The following KLHL17 variants were observed in gnomAD, a reference collection of about 807,000 sequenced individuals.
KLHL17 encodes the protein kelch like family member 17.
KLHL17 carries 71 observed loss-of-function variants against 64.6 expected under a neutral mutation model. The ratio of observed to expected loss-of-function variants is 1.10; its 90% CI spans 0.91 to 1.34. The LOEUF (loss-of-function observed/expected upper bound fraction) is 1.34. Among genes scored for constraint, KLHL17 ranks in the 40% most tolerant of loss-of-function variants. KLHL17 has a pLI of 0.00. For missense variants in KLHL17, 1,140 were observed against 935.0 expected, an observed-to-expected ratio of 1.22 and a Z score of -2.86; for synonymous variants, 612 against 405.4, an observed-to-expected ratio of 1.51 and a Z score of -6.12.
In KLHL17 at chr1:961,632, A is replaced by G; in HGVS notation, c.371A>G (p.Glu124Gly). 2 of 1,612,692 alleles carry G rather than the reference A, an allele frequency of 1.2e-6. No homozygotes were observed. Among genetic ancestry groups the G allele is most frequent in the South Asian group, 2.2e-5 (2 of 91,080 alleles). The change falls in exon 3 of 12, where the codon GAG (glutamate) becomes GGG (glycine). Residue 124 changes from glutamate (E) to glycine (G), a missense_variant. By Grantham distance (98) the Glu-to-Gly change is moderately conservative. Coordinates refer to ENST00000338591, the MANE Select transcript of KLHL17 (RefSeq NM_198317.3). ...SPYFHAMFTN[E>G]MSESRQTHVT... ...GTGTAACCCGCTGTCCCCGCAGATG[A>G]GATGAGCGAGAGCCGCCAGACCCAC...
In KLHL17 at chr1:963,105, C is replaced by T; in HGVS notation, c.1043-4C>T. The T allele has an allele frequency of 6.2e-7, 1 of 1,611,294 alleles. No individual in the cohort carries two copies. Among genetic ancestry groups the T allele is most frequent in the Non-Finnish European group, 8.5e-7 (1 of 1,179,290 alleles). On this transcript the variant is annotated splice_polypyrimidine_tract_variant and splice_region_variant and intron_variant, in intron 6 of 11. Coordinates refer to ENST00000338591, the MANE Select transcript of KLHL17 (RefSeq NM_198317.3). The stretch of plus-strand genomic sequence containing the variant: ...CGAGTCCCGTCTCCACCTGCCCTCC[C>T]CAGGCGGCGGGAGCCTGTTTGCCAT...
At chr1:963,029 CAG>C (rs745556126) in intron 6 of KLHL17, 78 bp from the exon 7 acceptor site, 1 of 1,557,412 alleles carries the variant, frequency 6.4e-7, no homozygotes, top group South Asian at 1.2e-5. Flanking sequence ...CCCCTCCATT[CAG>C]GGGCCTCTCC....
chr1:965,337 C>T lies in KLHL17; in HGVS notation c.*146C>T, dbSNP rs1354120536. 4.3e-6 allele frequency: 3 copies of T among 695,994 alleles called. No individual in the cohort carries two copies. Among genetic ancestry groups the T allele is most frequent in the African/African-American group, 1.8e-5 (1 of 56,090 alleles). The allele number at this position is 695,994 out of a possible 1,614,324, so 43.1% of individuals were successfully genotyped here. On this transcript the variant is annotated 3_prime_UTR_variant, in exon 12 of 12. Coordinates refer to ENST00000338591, the MANE Select transcript of KLHL17 (RefSeq NM_198317.3). ...GTTGTTTATTTATTTAGTTATTTAT[C>T]TTATTTATTGAGGGGTGAGGAGTGC...
chr1:965,354 G>A lies in KLHL17; in HGVS notation c.*163G>A, dbSNP rs1189736884. 1.5e-5 allele frequency: 10 copies of A among 653,988 alleles called. No homozygotes were observed. Among genetic ancestry groups the A allele is most frequent in the Non-Finnish European group, 2.3e-5 (9 of 388,814 alleles). 40.5% of individuals were successfully genotyped at this position (653,988 alleles called of 1,614,324 possible). A position where few individuals can be genotyped will look rare whatever the true frequency, so the allele number is the denominator to read the frequency against. On this transcript the variant is annotated 3_prime_UTR_variant, in exon 12 of 12. Coordinates refer to ENST00000338591, the MANE Select transcript of KLHL17 (RefSeq NM_198317.3). ...TTATTTATCTTATTTATTGAGGGGT[G>A]AGGAGTGCCACGGCTGCCCGTTTAC...
At chr1:962,231 C>T (rs1450577283) in intron 4 of KLHL17, 124 bp from the exon 5 acceptor site, 1 of 1,499,302 alleles carries the variant, frequency 6.7e-7, no homozygotes, top group Non-Finnish European at 9.1e-7. Flanking sequence ...CCTGACTCTG[C>T]TCGGCCCCTC....
chr1:962,175 C>T (rs776484757), intron 4 of KLHL17, 128 bp downstream of exon 4: 150 of 1,286,074 alleles, frequency 1.2e-4, no homozygotes, highest in Non-Finnish European at 1.5e-4. Flanking sequence ...TGTGTGTCCC[C>T]GAGACCTTTC....
At chr1:964,205 A>C (rs1557634421) in intron 10 of KLHL17, 25 bp downstream of exon 10, 1 of 1,611,176 alleles carries the variant, frequency 6.2e-7, no homozygotes, top group East Asian at 2.2e-5. Flanking sequence ...CCTCCTGGCC[A>C]CCCCCTCCCG....
At chr1:961,096 A>G (rs28393498) in intron 1 of KLHL17, among the ~76,000 whole-genome samples, 197 bp from the exon 2 acceptor site, 141,349 of 151,334 alleles carry the variant, frequency 0.93, 66,051 homozygotes, top group Non-Finnish European at 0.95. Context: ...ACTACGCCCC[A>G]GGGGAGCAGG....
At chr1:963,674 C>T in intron 8 of KLHL17, 170 bp downstream of exon 8, 1 of 888,304 alleles carries the variant, frequency 1.1e-6, no homozygotes, top group Non-Finnish European at 1.7e-6. Flanking sequence ...TTTGCTGCCC[C>T]AGTGCCCTTT....
intron 8 of KLHL17, 66 bp from the exon 9 acceptor site, chr1:963,854 C>A: frequency 6.6e-7 from 1 of 1,507,744 alleles, no homozygotes; most frequent in South Asian, 1.1e-5. Flanking sequence ...CTGGGGAGGG[C>A]AGGTCCTGGG....
At chr1:962,073 G>GGCC in intron 4 of KLHL17, 26 bp downstream of exon 4, 10 of 1,559,828 alleles carry the variant, frequency 6.4e-6, no homozygotes, top group South Asian at 1.2e-5. Context: ...CCCAGCCCTC[G>GGCC]CCCCCCACCC....
intron 5 of KLHL17, 34 bp downstream of exon 5, chr1:962,505 C>T (rs1642705547): frequency 1.9e-6 from 3 of 1,607,964 alleles, no homozygotes; most frequent in South Asian, 1.1e-5. Flanking sequence ...CCCACAGCAT[C>T]CAGGAGGGCA....
chr1:963,628 C>T, intron 8 of KLHL17, 124 bp downstream of exon 8: 1 of 1,162,612 alleles, frequency 8.6e-7, no homozygotes, highest in South Asian at 1.6e-5. Flanking sequence ...GCCGTTTCAC[C>T]CCAGGCCACT....
intron 10 of KLHL17, 30 bp downstream of exon 10, chr1:964,210 C>G (rs778130378): frequency 1.2e-6 from 2 of 1,610,980 alleles, no homozygotes; most frequent in East Asian, 2.2e-5. Flanking sequence ...TGGCCACCCC[C>G]TCCCGTGCGC....
rs951682413 is a variant in KLHL17 at position 965,412 on chromosome 1, C to T, written c.*221C>T. ...GCGTCTGGTCCTCCTGCGTGTCCTCCCCTCCACTGCCTGCATGGGGGGCGC... is the reference window on the plus strand; with the variant it reads ...GCGTCTGGTCCTCCTGCGTGTCCTCTCCTCCACTGCCTGCATGGGGGGCGC... On this transcript the variant is annotated 3_prime_UTR_variant, in exon 12 of 12. Transcript: ENST00000338591. 1.4e-5 allele frequency: 8 copies of T among 556,312 alleles called. No individual in the cohort carries two copies. Among genetic ancestry groups the T allele is most frequent in the Admixed American group, 3.4e-5 (1 of 29,490 alleles). 34.5% of individuals were successfully genotyped at this position (556,312 alleles called of 1,614,324 possible). A position where few individuals can be genotyped will look rare whatever the true frequency, so the allele number is the denominator to read the frequency against.
rs1399826898 is a variant in KLHL17 at position 961,457 on chromosome 1, T to C, written c.272T>C (p.Leu91Pro). The change falls in exon 2 of 12, where the codon CTG becomes CCG. Residue 91 changes from leucine (L) to proline (P), a missense_variant. Transcript: ENST00000338591. ...AGCCGCATGCGCCAGCGCGGCCTCCTGTGCGACATCGTCCTGCACGTGGCT... is the reference window on the plus strand; with the variant it reads ...AGCCGCATGCGCCAGCGCGGCCTCCCGTGCGACATCGTCCTGCACGTGGCT... ...AMSRMRQRGLLCDIVLHVAAK... is the reference protein window; with the variant it reads ...AMSRMRQRGLPCDIVLHVAAK... 1 of 1,612,290 alleles carries C rather than the reference T, an allele frequency of 6.2e-7. No individual in the cohort carries two copies. Among genetic ancestry groups the C allele is most frequent in the African/African-American group, 1.3e-5 (1 of 74,930 alleles).
rs763623521 is a variant in KLHL17 at position 961,472 on chromosome 1, T to C, written c.287T>C (p.Leu96Pro). The C allele has an allele frequency of 6.2e-7, 1 of 1,612,476 alleles. No individual in the cohort carries two copies. Among genetic ancestry groups the C allele is most frequent in the South Asian group, 1.1e-5 (1 of 91,086 alleles). Residue 96 changes from leucine (L) to proline (P), a missense_variant, in exon 2 of 12, where the codon CTG becomes CCG. Physicochemically the swap from Leu to Pro is moderately conservative, Grantham distance 98 (BLOSUM62 -3). Transcript: ENST00000338591. ...CGCGGCCTCCTGTGCGACATCGTCC[T>C]GCACGTGGCTGCCAAGGAGATCCGT... Reference protein sequence around the residue: ...RQRGLLCDIVLHVAAKEIRAH... With the variant: ...RQRGLLCDIVPHVAAKEIRAH...
Position 960,649 on chromosome 1 carries a change from A to G in KLHL17, c.-45A>G. 1.5e-6 allele frequency: 2 copies of G among 1,322,208 alleles called. No individual in the cohort carries two copies. The highest frequency in any genetic ancestry group is 1.6e-5 in the South Asian group (1 of 62,814). The allele number at this position is 1,322,208 out of a possible 1,614,324, so 81.9% of individuals were successfully genotyped here. A position where few individuals can be genotyped will look rare whatever the true frequency, so the allele number is the denominator to read the frequency against. ...CCCTCCGGCAGTCTCCGCGTCCGTT[A>G]AGCCCGCGGGTCCTCCGCGAATCGG... On this transcript the variant is annotated 5_prime_UTR_variant, in exon 1 of 12. Transcript: ENST00000338591.
rs1022546130 is a variant in KLHL17, at chr1:965,273, G to A, written c.*82G>A. 1.7e-5 allele frequency: 18 copies of A among 1,068,246 alleles called. No individual in the cohort carries two copies. The highest frequency in any genetic ancestry group is 7.6e-5 in the East Asian group (3 of 39,596). 66.2% of individuals were successfully genotyped at this position (1,068,246 alleles called of 1,614,324 possible). The stretch of plus-strand genomic sequence containing the variant: ...CCACCAGGGACGTCCTGCGCCATCC[G>A]TTCACGTCTCTGCATCCATTCCTTC... On this transcript the variant is annotated 3_prime_UTR_variant, in exon 12 of 12. Coordinates refer to ENST00000338591, the MANE Select transcript of KLHL17 (RefSeq NM_198317.3).
Sources: allele counts gnomAD v4.1 joint callset (sites outside exome capture counted in the v4.1 genomes callset), GRCh38; gene constraint gnomAD v4.1.1; transcripts MANE v1.5; gene names NCBI Gene and HGNC (gene_info 2026-07-23, HGNC 2026-07-21).